Variants in C12orf54 observed in about 807,000 individuals in gnomAD.
The protein encoded by C12orf54 is chromosome 12 open reading frame 54.
A neutral mutation model predicts 26.4 loss-of-function variants in C12orf54; 24 were observed. That is an observed-to-expected ratio of 0.91 (90% CI 0.66 to 1.28). The LOEUF (loss-of-function observed/expected upper bound fraction) is 1.28. C12orf54 is among the 50% of genes most tolerant of loss of function. C12orf54 has a pLI of 0.00. For synonymous variants in C12orf54, 54 were observed against 47.0 expected (o/e 1.15, Z -0.61); for missense variants, 154 against 150.9 (o/e 1.02, Z -0.11).
the C12orf54 span, among the ~76,000 whole-genome samples, chr12:48,476,651 G>A: frequency 1.3e-5 from 2 of 152,054 alleles, no homozygotes; most frequent in East Asian, 3.9e-4. Flanking sequence ...GACAAAGAAG[G>A]CCATTACATA....
chr12:48,475,446 TGAGCTACAG>T, the C12orf54 span, among the ~76,000 whole-genome samples: 430 of 152,170 alleles, frequency 2.8e-3, 1 homozygote, highest in Middle Eastern at 0.01. Flanking sequence ...CAAACTACTC[TGAGCTACAG>T]GAGGAAACTT....
chr12:48,466,106 CAGAG>C, the C12orf54 span, among the ~76,000 whole-genome samples: 3 of 152,198 alleles, frequency 2.0e-5, no homozygotes, highest in South Asian at 2.1e-4. Flanking sequence ...TCCTAAAAAA[CAGAG>C]AGAAACAATT....
At chr12:48,419,196 C>CT in the C12orf54 span, among the ~76,000 whole-genome samples, 2 of 152,168 alleles carry the variant, frequency 1.3e-5, no homozygotes, top group Admixed American at 6.6e-5. Context: ...GAAATGCAGG[C>CT]TTTTTGCTCC....
chr12:48,454,542 ATTGC>A, the C12orf54 span, among the ~76,000 whole-genome samples: 1 of 152,188 alleles, frequency 6.6e-6, no homozygotes, highest in African/African-American at 2.4e-5. Flanking sequence ...AGCAGGTCTG[ATTGC>A]TAAGAATAAA....
At chr12:48,467,188 C>T in the C12orf54 span, among the ~76,000 whole-genome samples, 1 of 152,038 alleles carries the variant, frequency 6.6e-6, no homozygotes, top group African/African-American at 2.4e-5. Context: ...GATGGGAAGA[C>T]AGAGGTAGAG....
At chr12:48,478,564 AT>A (rs1335456333), upstream of C12orf54, among the ~76,000 whole-genome samples, 6 of 152,188 alleles carry the variant, frequency 3.9e-5, no homozygotes, top group Non-Finnish European at 8.8e-5. Flanking sequence ...AGGATACAAA[AT>A]CAATGTACAA....
chr12:48,472,718 T>C, the C12orf54 span: 4 of 1,614,038 alleles, frequency 2.5e-6, no homozygotes, highest in African/African-American at 4.0e-5. Flanking sequence ...CGCCCTCCGA[T>C]GTGAAAGAAC....
chr12:48,479,893 G>A (rs937676462), upstream of C12orf54, among the ~76,000 whole-genome samples: 30 of 152,046 alleles, frequency 2.0e-4, no homozygotes, highest in Non-Finnish European at 2.4e-4. Flanking sequence ...TTTGGGGGAT[G>A]GCTTCTTTAA....
the C12orf54 span, among the ~76,000 whole-genome samples, chr12:48,462,107 T>C: frequency 8.6e-5 from 13 of 151,460 alleles, no homozygotes; most frequent in Admixed American, 8.5e-4. Flanking sequence ...TAAGGGAATT[T>C]TGAGAAAAGA....
At chr12:48,485,995 G>A (rs1269344564) in intron 2 of C12orf54, among the ~76,000 whole-genome samples, 183 bp from the exon 3 acceptor site, 3 of 152,134 alleles carry the variant, frequency 2.0e-5, no homozygotes, top group African/African-American at 4.8e-5. Context: ...GGAAGATGAG[G>A]CAAGTATCTC....
the C12orf54 span, among the ~76,000 whole-genome samples, chr12:48,462,794 T>C: frequency 6.6e-6 from 1 of 151,748 alleles, no homozygotes; most frequent in Admixed American, 6.6e-5. Flanking sequence ...AACATAATAC[T>C]TCATAGTAAA....
At chr12:48,418,822 A>G in the C12orf54 span, among the ~76,000 whole-genome samples, 1 of 152,144 alleles carries the variant, frequency 6.6e-6, no homozygotes, top group East Asian at 1.9e-4. Context: ...AAAAATTTTA[A>G]TATGTTACAG....
chr12:48,489,227 T>TGTATGAAATGCTGATAAA (rs1460952401), intron 5 of C12orf54: 3 of 636,176 alleles, frequency 4.7e-6, no homozygotes, highest in Admixed American at 4.2e-5. Flanking sequence ...TCTATGTGGT[T>TGTATGAAATGCTGATAAA]GTATGAAATG....
At chr12:48,428,383 G>T in the C12orf54 span, among the ~76,000 whole-genome samples, 1 of 151,854 alleles carries the variant, frequency 6.6e-6, no homozygotes, top group East Asian at 1.9e-4. Context: ...ACAAAAAACT[G>T]CTTCTTTGAA....
chr12:48,437,179 C>G, the C12orf54 span, among the ~76,000 whole-genome samples: 10 of 152,198 alleles, frequency 6.6e-5, no homozygotes, highest in Admixed American at 2.0e-4. Context: ...TGGACACATA[C>G]ATCCTCCCAA....
chr12:48,472,484 G>A, the C12orf54 span, among the ~76,000 whole-genome samples: 3 of 152,212 alleles, frequency 2.0e-5, no homozygotes, highest in East Asian at 1.9e-4. Flanking sequence ...GAGCAACTGG[G>A]TGAATGATAG....
intron 3 of C12orf54, 34 bp downstream of exon 3, chr12:48,486,242 G>A (rs1472191591): frequency 6.3e-7 from 1 of 1,593,192 alleles, no homozygotes; most frequent in Admixed American, 1.7e-5. Context: ...TGGATCCTCT[G>A]GGGCTTCTAA....
chr12:48,417,114 A>G, the C12orf54 span: 1 of 152,186 alleles, frequency 6.6e-6, no homozygotes, highest in Non-Finnish European at 1.5e-5. Flanking sequence ...TACCCAATCT[A>G]TGGTATTATG....
At chr12:48,466,905 A>G in the C12orf54 span, among the ~76,000 whole-genome samples, 3 of 152,200 alleles carry the variant, frequency 2.0e-5, no homozygotes, top group South Asian at 6.2e-4. Context: ...TTTATTTGTA[A>G]TAGCCCCAAA....
Sources: allele counts gnomAD v4.1 joint callset (sites outside exome capture counted in the v4.1 genomes callset), GRCh38; gene constraint gnomAD v4.1.1; transcripts MANE v1.5; gene names NCBI Gene and HGNC (gene_info 2026-07-23, HGNC 2026-07-21).